The following ZFAND6 variants were observed in gnomAD, a reference collection of about 807,000 sequenced individuals.
ZFAND6 encodes AN1-type zinc finger protein 6.
Under a neutral mutation model 24.5 loss-of-function variants are expected in ZFAND6, and 12 were observed. The observed-to-expected ratio is 0.49, with a 90% CI of 0.31 to 0.79. ZFAND6 has a LOEUF of 0.79. ZFAND6 is among the 30% of genes least tolerant of loss of function. The pLI, the probability that ZFAND6 is intolerant of heterozygous loss-of-function variation, is 0.04. For missense variants in ZFAND6, 207 were observed against 245.9 expected, an observed-to-expected ratio of 0.84 and a Z score of 1.06; for synonymous variants, 92 against 81.5, an observed-to-expected ratio of 1.13 and a Z score of -0.69.
chr15:80,098,263 A>G (rs112373061), intron 1 of ZFAND6, among the ~76,000 whole-genome samples, 153 bp from the exon 2 acceptor site: 4,997 of 152,290 alleles, frequency 0.033, 124 homozygotes, highest in South Asian at 0.062. Context: ...AATGTCAAAT[A>G]CCAATTGGAA....
intron 6 of ZFAND6, chr15:80,131,547 A>C (rs1335979886): frequency 2.3e-6 from 1 of 426,478 alleles, no homozygotes; most frequent in East Asian, 3.3e-5. Flanking sequence ...TTAGTGTGCC[A>C]GATTCTGTGA....
In ZFAND6 at chr15:80,133,180, TTTTG is replaced by T. The variant is rs1363402722; in HGVS notation, c.478+1899_478+1902del. Among the ~76,000 whole-genome samples the T allele has an allele frequency of 5.4e-3, 770 of 143,224 alleles. 8 individuals carry two copies. The highest frequency in any genetic ancestry group is 0.019 in the African/African-American group (732 of 39,346). The allele number at this position is 143,224 out of a possible 152,430, so 94.0% of individuals were successfully genotyped here. A position where few individuals can be genotyped will look rare whatever the true frequency, so the allele number is the denominator to read the frequency against. On this transcript the variant is annotated intron_variant, in intron 6 of 6. Coordinates refer to ENST00000261749, the MANE Select transcript of ZFAND6 (RefSeq NM_019006.4). ...AATGCCAGCAAAGGATGGTGTTTTT[TTTTG>T]TTTGTTTGTTTTTTGTTTTTTTTTT...
intron 1 of ZFAND6, among the ~76,000 whole-genome samples, chr15:80,091,448 C>A (rs962814104): frequency 6.6e-5 from 10 of 150,866 alleles, no homozygotes; most frequent in South Asian, 6.2e-4. Flanking sequence ...TAACCAGGAC[C>A]TTTCGTTCAT....
At chr15:80,103,611 A>C (rs1010065150) in intron 2 of ZFAND6, among the ~76,000 whole-genome samples, 1 of 152,214 alleles carries the variant, frequency 6.6e-6, no homozygotes, top group African/African-American at 2.4e-5. Flanking sequence ...TTTTTTAGCC[A>C]TCTGAGCCCC....
At chr15:80,124,552 A>T (rs2040293023) in intron 5 of ZFAND6, among the ~76,000 whole-genome samples, 1 of 152,264 alleles carries the variant, frequency 6.6e-6, no homozygotes, top group African/African-American at 2.4e-5. Context: ...CTATCATAAC[A>T]CATAGGAAGT....
At chr15:80,117,245 C>T (rs1419711960) in intron 2 of ZFAND6, among the ~76,000 whole-genome samples, 10 of 149,368 alleles carry the variant, frequency 6.7e-5, no homozygotes, top group Admixed American at 4.7e-4. Flanking sequence ...TTTTTTGAGA[C>T]GGAGTCTCGC....
At chr15:80,083,022 C>T (rs907995842) in intron 1 of ZFAND6, among the ~76,000 whole-genome samples, 2 of 152,100 alleles carry the variant, frequency 1.3e-5, no homozygotes, top group Non-Finnish European at 2.9e-5. Flanking sequence ...AATGGAGTCT[C>T]ACTCTGTCGC....
At chr15:80,086,884 A>G (rs1478603938) in intron 1 of ZFAND6, among the ~76,000 whole-genome samples, 1 of 152,216 alleles carries the variant, frequency 6.6e-6, no homozygotes. Context: ...TGACCATTCC[A>G]AGTATTTCAC....
intron 1 of ZFAND6, among the ~76,000 whole-genome samples, chr15:80,061,094 A>C (rs1041274417): frequency 6.6e-6 from 1 of 152,212 alleles, no homozygotes; most frequent in Admixed American, 6.5e-5. Flanking sequence ...AGTTGTGTAT[A>C]GTTTCTCCAG....
chr15:80,079,197 T>C (rs2037482717), intron 1 of ZFAND6, among the ~76,000 whole-genome samples: 1 of 152,184 alleles, frequency 6.6e-6, no homozygotes, highest in African/African-American at 2.4e-5. Flanking sequence ...TCCTATTCTG[T>C]AGATTATCTG....
chr15:80,093,787 G>T (rs571781361), intron 1 of ZFAND6, among the ~76,000 whole-genome samples: 1 of 152,334 alleles, frequency 6.6e-6, no homozygotes, highest in East Asian at 1.9e-4. Context: ...AGACACACTT[G>T]CTACTGCCTT....
intron 1 of ZFAND6, among the ~76,000 whole-genome samples, chr15:80,088,424 G>T (rs2038135334): frequency 6.6e-6 from 1 of 152,010 alleles, no homozygotes; most frequent in Non-Finnish European, 1.5e-5. Flanking sequence ...AAAATTAGGG[G>T]GTGTGGTGGT....
chr15:80,095,118 C>G (rs375711876), intron 1 of ZFAND6, among the ~76,000 whole-genome samples: 17 of 152,062 alleles, frequency 1.1e-4, no homozygotes, highest in African/African-American at 3.9e-4. Context: ...CATAATCATT[C>G]ATTGCATTTA....
At chr15:80,122,903 T>C (rs2040209382) in intron 5 of ZFAND6, 103 bp downstream of exon 5, 11 of 731,962 alleles carry the variant, frequency 1.5e-5, no homozygotes, top group Admixed American at 2.9e-5. Context: ...ATACATGTTT[T>C]TCTGTTTTCC....
chr15:80,134,238 C>T (rs947699529), intron 6 of ZFAND6, among the ~76,000 whole-genome samples: 13 of 152,192 alleles, frequency 8.5e-5, no homozygotes, highest in African/African-American at 1.4e-4. Context: ...GATCCGTCCA[C>T]CTCAGCCTCC....
intron 1 of ZFAND6, among the ~76,000 whole-genome samples, chr15:80,092,998 A>G (rs1293070624): frequency 1.3e-5 from 2 of 150,482 alleles, no homozygotes; most frequent in African/African-American, 4.9e-5. Context: ...TCTCTCACCC[A>G]GGCTGGAATG....
chr15:80,084,207 A>G (rs895453125), intron 1 of ZFAND6, among the ~76,000 whole-genome samples: 3 of 152,206 alleles, frequency 2.0e-5, no homozygotes, highest in Non-Finnish European at 4.4e-5. Flanking sequence ...CAGAGAGGCA[A>G]GAGATTAAGT....
intron 1 of ZFAND6, 140 bp downstream of exon 1, chr15:80,059,949 C>G (rs1329076208): frequency 1.3e-5 from 2 of 150,970 alleles, no homozygotes; most frequent in African/African-American, 4.8e-5. Context: ...GGAGGGCGGC[C>G]GGCCGGCGCA....
chr15:80,127,302 A>G (rs1276002060), intron 5 of ZFAND6, among the ~76,000 whole-genome samples: 1 of 152,028 alleles, frequency 6.6e-6, no homozygotes, highest in Non-Finnish European at 1.5e-5. Context: ...AAGATGCTCA[A>G]CAGGGCCGGG....
Sources: gnomAD v4.1 joint callset for allele counts (sites outside exome capture counted in the v4.1 genomes callset) on GRCh38, gnomAD v4.1.1 for gene constraint, MANE v1.5 for transcripts, NCBI Gene and HGNC (gene_info 2026-07-23, HGNC 2026-07-21) for gene names.